The following TTLL12 variants were observed in gnomAD, a reference collection of about 807,000 sequenced individuals.
The protein encoded by TTLL12 is tubulin tyrosine ligase like 12.
A neutral mutation model predicts 79.6 loss-of-function variants in TTLL12; 77 were observed. The observed-to-expected ratio is 0.97, with a 90% CI of 0.81 to 1.17. The LOEUF (loss-of-function observed/expected upper bound fraction) is 1.17, where lower values mean the gene tolerates loss of function less well. TTLL12 is among the 50% of genes most tolerant of loss of function. The pLI is 0.00. For missense variants in TTLL12, 969 were observed against 895.9 expected, an observed-to-expected ratio of 1.08 and a Z score of -1.04; for synonymous variants, 437 against 376.1, an observed-to-expected ratio of 1.16 and a Z score of -1.87.
chr22:43,172,512 C>G lies in TTLL12; in HGVS notation c.1384G>C (p.Glu462Gln), dbSNP rs1931792733. ...YIESPVLFLR[E>Q]DVGKVKFDIR... ...TCGAACTTGACCTTTCCCACGTCTT[C>G]TCGAAGGAACAACACGGGACTTTCG... The change falls in exon 10 of 14, where the codon GAA becomes CAA. Residue 462 changes from glutamate to glutamine, a missense_variant. By Grantham distance (29) the Glu-to-Gln change is conservative (BLOSUM62 2). Transcript: ENST00000216129. 1 of 1,614,118 alleles carries G rather than the reference C, an allele frequency of 6.2e-7. No homozygotes were observed.
intron 13 of TTLL12, 74 bp downstream of exon 13, chr22:43,168,700 C>T: frequency 6.5e-7 from 1 of 1,533,402 alleles, no homozygotes; most frequent in Non-Finnish European, 8.8e-7. Context: ...AGCTGCCTGC[C>T]TTCTCCAGGC....
chr22:43,176,547 T>C, intron 5 of TTLL12, 151 bp from the exon 6 acceptor site: 1 of 668,770 alleles, frequency 1.5e-6, no homozygotes, highest in Non-Finnish European at 2.7e-6. Flanking sequence ...CTGGCCAACA[T>C]GGCAAAATCC....
intron 8 of TTLL12, 26 bp from the exon 9 acceptor site, chr22:43,173,852 G>T (rs7291977): frequency 1.3e-6 from 2 of 1,586,764 alleles, no homozygotes; most frequent in African/African-American, 2.7e-5. Flanking sequence ...GCTGTCTGGG[G>T]GGCGCCTGGG....
chr22:43,170,784 G>A (rs751753514), intron 11 of TTLL12, among the ~76,000 whole-genome samples: 6 of 152,130 alleles, frequency 3.9e-5, no homozygotes, highest in East Asian at 1.9e-4. Context: ...GTGGAGGCAC[G>A]TGCCCGTAGT....
At chr22:43,186,030 G>A in intron 1 of TTLL12, 1 of 985,430 alleles carries the variant, frequency 1.0e-6, no homozygotes, top group Non-Finnish European at 1.2e-6. Context: ...CTCAGAGACC[G>A]TAGAGTCTGG....
At chr22:43,172,232 AC>A (rs1931784152) in intron 10 of TTLL12, among the ~76,000 whole-genome samples, 170 bp downstream of exon 10, 1 of 152,206 alleles carries the variant, frequency 6.6e-6, no homozygotes, top group South Asian at 2.1e-4. Flanking sequence ...AGGGCAAGTC[AC>A]CGCCAATTAA....
intron 1 of TTLL12, among the ~76,000 whole-genome samples, chr22:43,184,228 C>T (rs1411899614): frequency 6.6e-6 from 1 of 152,246 alleles, no homozygotes; most frequent in African/African-American, 2.4e-5. Flanking sequence ...TCCCACTACT[C>T]GATTAAAAAC....
At position 43,179,703 on chromosome 22, in the gene TTLL12, C is replaced by G. The variant is rs779635735; in HGVS notation, c.756G>C (p.Arg252=). 1 of 1,568,588 alleles carries G rather than the reference C, an allele frequency of 6.4e-7. No individual in the cohort carries two copies. Residue 252 remains arginine, a synonymous_variant, in exon 5 of 14, where the codon CGG becomes CGC. Coordinates refer to ENST00000216129, the MANE Select transcript of TTLL12 (RefSeq NM_015140.4). ...FAYGETDPLI[R]KCMLLPWAPT... is the part of the protein sequence containing the mutation. The stretch of plus-strand genomic sequence containing the variant: ...GGGCCCAGGGCAGCAGCATGCACTT[C>G]CGGATCAGGGGGTCCGTCTCTCCGT...
Position 43,172,533 on chromosome 22 carries a change from T to G in TTLL12, c.1363A>C (p.Ser455Arg). 6.2e-7 allele frequency: 1 copy of G among 1,614,072 alleles called. No individual in the cohort carries two copies. Among genetic ancestry groups the G allele is most frequent in the African/African-American group, 1.3e-5 (1 of 75,000 alleles). The change falls in exon 10 of 14, where the codon AGT becomes CGT. Residue 455 changes from serine to arginine, a missense_variant. By Grantham distance (110) the Ser-to-Arg change is moderately radical (BLOSUM62 -1). Coordinates refer to ENST00000216129, the MANE Select transcript of TTLL12 (RefSeq NM_015140.4). The part of the protein sequence containing the change: ...TPKVVSKYIE[S>R]PVLFLREDVG... The stretch of plus-strand genomic sequence containing the variant: ...TCTTCTCGAAGGAACAACACGGGAC[T>G]TTCGATGTACTTGGACACAACCTGG...
intron 6 of TTLL12, 31 bp from the exon 7 acceptor site, chr22:43,174,646 G>A (rs377700189): frequency 1.5e-5 from 23 of 1,514,276 alleles, no homozygotes; most frequent in South Asian, 9.3e-5. Context: ...GGGTGATCCC[G>A]GCTCCCAAGT....
At chr22:43,170,994 G>A (rs1203780131) in intron 11 of TTLL12, among the ~76,000 whole-genome samples, 1 of 152,226 alleles carries the variant, frequency 6.6e-6, no homozygotes, top group Non-Finnish European at 1.5e-5. Flanking sequence ...CTGCTGAAAA[G>A]AACCAAAGAC....
Position 43,174,233 on chromosome 22 carries a change from C to A in TTLL12, c.1205G>T (p.Ser402Ile). 2 of 1,605,730 alleles carry A rather than the reference C, an allele frequency of 1.2e-6. No individual in the cohort carries two copies. Among genetic ancestry groups the A allele is most frequent in the Non-Finnish European group, 1.7e-6 (2 of 1,179,848 alleles). Residue 402 changes from serine to isoleucine, a missense_variant, in exon 8 of 14, where the codon AGC (serine) becomes ATC (isoleucine). Ser to Ile is a moderately radical substitution (Grantham distance 142, BLOSUM62 -2). Transcript: ENST00000216129. Reference sequence around the variant, plus strand: ...CCACCTTTCCCGCTGCTGGAAGTAGCTGACAAACTGGGGCAGCTCAGTGCG... The same window carrying A: ...CCACCTTTCCCGCTGCTGGAAGTAGATGACAAACTGGGGCAGCTCAGTGCG... The part of the protein sequence containing the change: ...NLRTELPQFV[S>I]YFQQRERWGE...
In TTLL12 at chr22:43,182,006, C is replaced by G. The variant is rs73163915; in HGVS notation, c.347+974G>C. 3.5e-5 allele frequency among the ~76,000 whole-genome samples: 3 copies of G among 86,832 alleles called. No individual in the cohort carries two copies. In the South Asian group the frequency reaches 1.5e-3, roughly 43 times the overall value. The allele number at this position is 86,832 out of a possible 152,430, so 57.0% of individuals were successfully genotyped here. A position where few individuals can be genotyped will look rare whatever the true frequency, so the allele number is the denominator to read the frequency against. ...GGGGAGACTCAGGGGGATGAAGGCCCGGAAGCAGAAAGGCCCGGAAGCAGA... is the reference window on the plus strand; with the variant it reads ...GGGGAGACTCAGGGGGATGAAGGCCGGGAAGCAGAAAGGCCCGGAAGCAGA... On this transcript the variant is annotated intron_variant, in intron 2 of 13. Coordinates refer to ENST00000216129, the MANE Select transcript of TTLL12 (RefSeq NM_015140.4).
At chr22:43,174,141 A>G in intron 8 of TTLL12, 68 bp downstream of exon 8, 2 of 1,535,768 alleles carry the variant, frequency 1.3e-6, no homozygotes, top group East Asian at 2.3e-5. Flanking sequence ...ATGGAGGAGC[A>G]GGCGGACACA....
intron 1 of TTLL12, among the ~76,000 whole-genome samples, chr22:43,183,561 T>A (rs1932111267): frequency 1.3e-5 from 2 of 152,172 alleles, no homozygotes; most frequent in African/African-American, 4.8e-5. Context: ...TCTTGGTGGC[T>A]GGGGGCACAC....
At chr22:43,179,777 C>T (rs1338774466) in intron 4 of TTLL12, 25 bp from the exon 5 acceptor site, 1 of 1,550,684 alleles carries the variant, frequency 6.4e-7, no homozygotes, top group Non-Finnish European at 8.7e-7. Flanking sequence ...GAGTGCCCAT[C>T]AGAGGGGGTG....
rs1931665114 is a variant in TTLL12 at position 43,168,119 on chromosome 22, G to A, written c.1824C>T (p.Phe608=). Residue 608 remains phenylalanine, a synonymous_variant, in exon 14 of 14, where the codon TTC becomes TTT. Transcript: ENST00000216129. ...VMQPQILEVN[F]NPDCERACRY... ...TGCAGGCTCGCTCACAGTCGGGGTT[G>A]AAGTTCACCTCCAGGATCTGCGGCT... 13 of 1,614,160 alleles carry A rather than the reference G, an allele frequency of 8.1e-6. No homozygotes were observed. In the East Asian group the frequency reaches 2.9e-4, roughly 36 times the overall value.
At position 43,171,800 on chromosome 22, in the gene TTLL12, C is replaced by A. The variant is rs775374682; in HGVS notation, c.1575+19G>T. The A allele has an allele frequency of 1.2e-6, 2 of 1,611,782 alleles. No individual in the cohort carries two copies. The highest frequency in any genetic ancestry group is 2.2e-5 in the South Asian group (2 of 91,062). ...CTGGCCTCTGTGTGAACCTGCTCTG[C>A]ACCTCCCTCAGGCCCTACCTGCTTC... is the stretch of plus-strand genomic sequence containing the variant. On this transcript the variant is annotated intron_variant, in intron 11 of 13. Coordinates refer to ENST00000216129, the MANE Select transcript of TTLL12 (RefSeq NM_015140.4).
chr22:43,180,098 C>G, intron 3 of TTLL12, 98 bp from the exon 4 acceptor site: 2 of 1,424,982 alleles, frequency 1.4e-6, no homozygotes, highest in Non-Finnish European at 1.9e-6. Flanking sequence ...ACAGCCATTT[C>G]TCTGATCTTG....
Sources: allele counts gnomAD v4.1 joint callset (sites outside exome capture counted in the v4.1 genomes callset), GRCh38; gene constraint gnomAD v4.1.1; transcripts MANE v1.5; gene names NCBI Gene and HGNC (gene_info 2026-07-23, HGNC 2026-07-21).